The following MACROD2 variants were observed in gnomAD, a reference collection of about 807,000 sequenced individuals.
MACROD2 encodes the protein ADP-ribose glycohydrolase MACROD2.
Under a neutral mutation model 70.4 loss-of-function variants are expected in MACROD2, and 36 were observed. That is an observed-to-expected ratio of 0.51 (90% CI 0.39 to 0.68). The LOEUF (loss-of-function observed/expected upper bound fraction) is 0.68, where lower values mean the gene tolerates loss of function less well. Ranked by LOEUF, MACROD2 falls within the 30% of genes least tolerant of loss-of-function variation. MACROD2 has a pLI of 0.00. For synonymous variants in MACROD2, 172 were observed against 178.8 expected (o/e 0.96, Z 0.30); for missense variants, 496 against 538.4 (o/e 0.92, Z 0.78).
intron 15 of MACROD2, among the ~76,000 whole-genome samples, chr20:16,012,178 A>G (rs1487748477): frequency 6.6e-6 from 1 of 152,192 alleles, no homozygotes; most frequent in Non-Finnish European, 1.5e-5. Flanking sequence ...CCAAATGAGA[A>G]GTGGGCACAA....
intron 3 of MACROD2, among the ~76,000 whole-genome samples, chr20:14,355,388 T>TA (rs544402157): frequency 1.5e-4 from 23 of 152,188 alleles, no homozygotes; most frequent in Non-Finnish European, 2.5e-4. Flanking sequence ...AAGACCCCAC[T>TA]AATCCATATA....
intron 15 of MACROD2, among the ~76,000 whole-genome samples, chr20:16,030,837 T>C (rs1017307253): frequency 3.9e-5 from 6 of 152,112 alleles, no homozygotes; most frequent in African/African-American, 1.2e-4. Context: ...AATTTAGAAG[T>C]CAATGTATAG....
chr20:15,460,998 A>ATTTTT (rs1273367857), intron 7 of MACROD2, among the ~76,000 whole-genome samples: 3 of 76,528 alleles, frequency 3.9e-5, no homozygotes, highest in African/African-American at 1.8e-4. Context: ...ATATATATAT[A>ATTTTT]TATATATATT....
chr20:14,075,178 C>T (rs1002215789), intron 2 of MACROD2, among the ~76,000 whole-genome samples: 2 of 152,024 alleles, frequency 1.3e-5, no homozygotes, highest in East Asian at 1.9e-4. Flanking sequence ...AAAAAAAAAT[C>T]GTATGTTGAG....
chr20:14,792,295 C>T (rs572724842), intron 5 of MACROD2, among the ~76,000 whole-genome samples: 20 of 152,176 alleles, frequency 1.3e-4, no homozygotes, highest in African/African-American at 4.6e-4. Context: ...TGTGGATACA[C>T]ACACATATTT....
chr20:14,185,830 A>G (rs1018260055), intron 3 of MACROD2, among the ~76,000 whole-genome samples: 1 of 152,198 alleles, frequency 6.6e-6, no homozygotes, highest in African/African-American at 2.4e-5. Context: ...TGAAGATTAA[A>G]TGAGAAAATG....
intron 8 of MACROD2, among the ~76,000 whole-genome samples, chr20:15,668,807 G>GA (rs2049937649): frequency 6.6e-6 from 1 of 152,184 alleles, no homozygotes; most frequent in Non-Finnish European, 1.5e-5. Context: ...ATTATCCATT[G>GA]ATGAGCCTTT....
chr20:15,636,375 A>G lies in MACROD2; in HGVS notation c.645+136528A>G, dbSNP rs201753835. On this transcript the variant is annotated intron_variant, in intron 8 of 17. Transcript: ENST00000684519. ...CAAGTCCATATCAGCTTCCACCTCC[A>G]TGGTAATACTTGGGATGCATAGATG... Among the ~76,000 whole-genome samples, 45 of 152,312 alleles carry G rather than the reference A, an allele frequency of 3.0e-4. No individual in the cohort carries two copies. The East Asian group carries it at 5.2e-3, about 18-fold the overall frequency.
chr20:15,493,259 G>A (rs980301266), intron 7 of MACROD2, among the ~76,000 whole-genome samples: 1 of 152,142 alleles, frequency 6.6e-6, no homozygotes, highest in East Asian at 1.9e-4. Flanking sequence ...GGATGTTGAC[G>A]GAAGCCCTGG....
intron 10 of MACROD2, among the ~76,000 whole-genome samples, chr20:15,907,330 G>C (rs2065162636): frequency 6.6e-6 from 1 of 152,192 alleles, no homozygotes; most frequent in Non-Finnish European, 1.5e-5. Context: ...TCATCCAATT[G>C]CCAGAATGGT....
intron 4 of MACROD2, among the ~76,000 whole-genome samples, chr20:14,615,013 A>G (rs1983393045): frequency 6.6e-6 from 1 of 152,086 alleles, no homozygotes; most frequent in Non-Finnish European, 1.5e-5. Flanking sequence ...GGGAAAGGGA[A>G]AGCTATGGAA....
chr20:15,123,381 A>G (rs935639400), intron 5 of MACROD2, among the ~76,000 whole-genome samples: 2 of 152,148 alleles, frequency 1.3e-5, no homozygotes, highest in African/African-American at 2.4e-5. Flanking sequence ...TAGACCTATT[A>G]TGTTCAATAC....
chr20:14,439,364 TG>T (rs1303138374), intron 3 of MACROD2, among the ~76,000 whole-genome samples: 2 of 152,204 alleles, frequency 1.3e-5, no homozygotes, highest in Admixed American at 6.5e-5. Context: ...AGAATTGCTT[TG>T]GCTATTCATA....
At chr20:14,998,068 C>T (rs2074964783) in intron 5 of MACROD2, among the ~76,000 whole-genome samples, 2 of 152,198 alleles carry the variant, frequency 1.3e-5, no homozygotes, top group African/African-American at 4.8e-5. Context: ...GCAGTTACAG[C>T]TGCAGTGACC....
At chr20:14,267,193 G>A (rs939529570) in intron 3 of MACROD2, among the ~76,000 whole-genome samples, 2 of 152,104 alleles carry the variant, frequency 1.3e-5, no homozygotes, top group Non-Finnish European at 2.9e-5. Context: ...AGTTCCTTAC[G>A]ATTTCCTAGG....
intron 8 of MACROD2, among the ~76,000 whole-genome samples, chr20:15,848,192 T>TGA (rs1234719287): frequency 5.3e-5 from 8 of 152,112 alleles, no homozygotes; most frequent in Non-Finnish European, 7.4e-5. Flanking sequence ...TCTGTATCAA[T>TGA]CACTCTCTCT....
intron 3 of MACROD2, among the ~76,000 whole-genome samples, chr20:14,330,838 T>A (rs1253945509): frequency 6.6e-6 from 1 of 152,056 alleles, no homozygotes; most frequent in Non-Finnish European, 1.5e-5. Flanking sequence ...TTTCTCAGTG[T>A]GTGAAAATGG....
chr20:15,882,272 C>T (rs1174852682), intron 9 of MACROD2, among the ~76,000 whole-genome samples: 1 of 152,008 alleles, frequency 6.6e-6, no homozygotes, highest in African/African-American at 2.4e-5. Flanking sequence ...ATCTCTTCTT[C>T]TTCATAGGGG....
chr20:14,749,152 C>G (rs1327609723), intron 5 of MACROD2, among the ~76,000 whole-genome samples: 8 of 151,938 alleles, frequency 5.3e-5, no homozygotes, highest in African/African-American at 1.7e-4. Flanking sequence ...ATTCATTTTA[C>G]CTGGAAGGAA....
Sources: gnomAD v4.1 joint callset for allele counts (sites outside exome capture counted in the v4.1 genomes callset) on GRCh38, gnomAD v4.1.1 for gene constraint, MANE v1.5 for transcripts, NCBI Gene and HGNC (gene_info 2026-07-23, HGNC 2026-07-21) for gene names.